The following PDS5A variants were observed in gnomAD, a reference collection of about 807,000 sequenced individuals.
The protein encoded by PDS5A is sister chromatid cohesion protein PDS5 homolog A.
Under a neutral mutation model 167.1 loss-of-function variants are expected in PDS5A, and 42 were observed. The observed-to-expected ratio is 0.25, with a 90% CI of 0.20 to 0.33. PDS5A has a LOEUF of 0.33. Ranked by LOEUF, PDS5A falls within the 10% of genes least tolerant of loss-of-function variation. The probability of loss-of-function intolerance (pLI) is 1.00; values close to 1 mark genes in which losing one functional copy is unlikely to be tolerated. For missense variants in PDS5A, 1,033 were observed against 1,605.9 expected (o/e 0.64, Z 6.10); for synonymous variants, 553 against 554.6 (o/e 1.00, Z 0.04).
At chr4:39,899,258 C>A (rs566702742) in intron 14 of PDS5A, among the ~76,000 whole-genome samples, 1 of 152,004 alleles carries the variant, frequency 6.6e-6, no homozygotes, top group Non-Finnish European at 1.5e-5. Flanking sequence ...CTTTGTGGCC[C>A]GTTACTTAAA....
intron 2 of PDS5A, among the ~76,000 whole-genome samples, chr4:39,935,312 G>C (rs1726491163): frequency 6.6e-6 from 1 of 152,158 alleles, no homozygotes; most frequent in Non-Finnish European, 1.5e-5. Flanking sequence ...TGGCCAGGCT[G>C]GTCTCAAACT....
chr4:39,959,216 A>C (rs1292302814), intron 2 of PDS5A, among the ~76,000 whole-genome samples: 1 of 152,216 alleles, frequency 6.6e-6, no homozygotes, highest in Non-Finnish European at 1.5e-5. Flanking sequence ...TTACTGAACT[A>C]AATGCTGTTA....
intron 14 of PDS5A, among the ~76,000 whole-genome samples, chr4:39,899,265 T>A (rs1192027930): frequency 6.6e-6 from 1 of 152,194 alleles, no homozygotes; most frequent in African/African-American, 2.4e-5. Context: ...GCCCGTTACT[T>A]AAATACCTTC....
chr4:39,854,900 G>A (rs1454966715), intron 26 of PDS5A, among the ~76,000 whole-genome samples: 1 of 152,050 alleles, frequency 6.6e-6, no homozygotes, highest in Admixed American at 6.6e-5. Flanking sequence ...GTATAATTAC[G>A]AATAATTGTT....
At chr4:39,907,397 G>A (rs1355955930) in intron 11 of PDS5A, among the ~76,000 whole-genome samples, 1 of 151,950 alleles carries the variant, frequency 6.6e-6, no homozygotes. Context: ...ATACTCATTT[G>A]CAGACGAAAG....
chr4:39,842,934 TA>T (rs1717189429), intron 30 of PDS5A, among the ~76,000 whole-genome samples: 1 of 128,416 alleles, frequency 7.8e-6, no homozygotes, highest in African/African-American at 2.8e-5. Flanking sequence ...TATATATATA[TA>T]TATTTTAAGA....
intron 2 of PDS5A, chr4:39,973,816 A>G (rs965175502): frequency 1.7e-6 from 2 of 1,197,380 alleles, no homozygotes; most frequent in Non-Finnish European, 2.5e-6. Context: ...CATGGCAGCT[A>G]TTCCACAGAC....
rs187724847 is a variant in PDS5A at position 39,889,292 on chromosome 4, A to C, written c.1886+957T>G. 3.3e-5 allele frequency among the ~76,000 whole-genome samples: 5 copies of C among 152,360 alleles called. No individual in the cohort carries two copies. The East Asian group carries it at 9.6e-4, about 29-fold the overall frequency. On this transcript the variant is annotated intron_variant, in intron 17 of 32. Transcript: ENST00000303538. ...AGAGGCTTCAGGAAAAAAATTAAAA[A>C]TTGCTGATACCTTGGATCTCAGGCT...
At chr4:39,902,710 A>G (rs1722985499) in intron 12 of PDS5A, among the ~76,000 whole-genome samples, 1 of 152,006 alleles carries the variant, frequency 6.6e-6, no homozygotes, top group African/African-American at 2.4e-5. Context: ...TTTTGTAGAG[A>G]CAAGGTGTCC....
chr4:39,843,340 C>A (rs971006964), intron 30 of PDS5A, among the ~76,000 whole-genome samples: 1 of 152,070 alleles, frequency 6.6e-6, no homozygotes, highest in Non-Finnish European at 1.5e-5. Context: ...CCCAGCCCTC[C>A]TATACTAATT....
At chr4:39,911,762 G>A (rs565829960) in intron 9 of PDS5A, among the ~76,000 whole-genome samples, 4 of 151,410 alleles carry the variant, frequency 2.6e-5, no homozygotes, top group African/African-American at 7.3e-5. Flanking sequence ...AACCCGGGAG[G>A]CGAAGCTTGC....
chr4:39,967,476 T>C (rs1008394643), intron 2 of PDS5A, among the ~76,000 whole-genome samples: 4 of 151,348 alleles, frequency 2.6e-5, no homozygotes, highest in Non-Finnish European at 4.4e-5. Flanking sequence ...TGAAACCCCG[T>C]CTCTATTAAA....
At chr4:39,915,812 A>T in intron 8 of PDS5A, among the ~76,000 whole-genome samples, 1 of 152,194 alleles carries the variant, frequency 6.6e-6, no homozygotes, top group East Asian at 1.9e-4. Flanking sequence ...ATATATGGAA[A>T]TTTTATTCTA....
Position 39,908,559 on chromosome 4 carries a change from A to C in PDS5A, c.1088-19T>G. ...AAATATTCTGTAATAAGAGAAAAAA[A>C]ACTTAGGCTAAATGTTAGCTATGTA... On this transcript the variant is annotated intron_variant, in intron 10 of 32. Coordinates refer to ENST00000303538, the MANE Select transcript of PDS5A (RefSeq NM_001100399.2). 1 of 1,461,444 alleles carries C rather than the reference A, an allele frequency of 6.8e-7. No homozygotes were observed. Among genetic ancestry groups the C allele is most frequent in the South Asian group, 1.2e-5 (1 of 84,822 alleles). 90.5% of individuals were successfully genotyped at this position (1,461,444 alleles called of 1,614,324 possible).
intron 2 of PDS5A, among the ~76,000 whole-genome samples, chr4:39,944,040 T>C (rs1476050990): frequency 6.6e-6 from 1 of 151,060 alleles, no homozygotes; most frequent in East Asian, 2.0e-4. Flanking sequence ...TAGCGGGGCG[T>C]GGTGGCGGGC....
chr4:39,884,490 T>C (rs2109602482), intron 17 of PDS5A, among the ~76,000 whole-genome samples: 1 of 152,362 alleles, frequency 6.6e-6, no homozygotes, highest in Non-Finnish European at 1.5e-5. Flanking sequence ...AGGACTGTCC[T>C]ATGCCTTTCT....
At chr4:39,946,435 A>G (rs1260446312) in intron 2 of PDS5A, among the ~76,000 whole-genome samples, 2 of 152,056 alleles carry the variant, frequency 1.3e-5, no homozygotes, top group Non-Finnish European at 2.9e-5. Flanking sequence ...TCGCCTTCCT[A>G]TATCAGTTGC....
intron 30 of PDS5A, among the ~76,000 whole-genome samples, chr4:39,842,417 A>G (rs1196631046): frequency 6.6e-6 from 1 of 152,202 alleles, no homozygotes; most frequent in Non-Finnish European, 1.5e-5. Context: ...ACCATAGTAT[A>G]GTTGTCATTT....
At chr4:39,907,590 CTTT>C (rs71194936) in intron 11 of PDS5A, among the ~76,000 whole-genome samples, 3 of 141,736 alleles carry the variant, frequency 2.1e-5, no homozygotes, top group African/African-American at 2.6e-5. Context: ...CTTTTCTTTT[CTTT>C]TTTTTTTTTT....
Sources: allele counts gnomAD v4.1 joint callset (sites outside exome capture counted in the v4.1 genomes callset), GRCh38; gene constraint gnomAD v4.1.1; transcripts MANE v1.5; gene names NCBI Gene and HGNC (gene_info 2026-07-23, HGNC 2026-07-21).